The following ACER3 variants were observed in gnomAD, a reference collection of about 807,000 sequenced individuals.
ACER3 encodes alkaline ceramidase 3, also known as alkCDase 3.
In ACER3, 16 loss-of-function variants were observed where a neutral mutation model predicts 48.9. The observed-to-expected ratio is 0.33, with a 90% confidence interval of 0.22 to 0.50. The LOEUF (loss-of-function observed/expected upper bound fraction) is 0.50. ACER3 is among the 20% of genes least tolerant of loss of function. The probability of loss-of-function intolerance (pLI) is 0.98; values close to 1 mark genes in which losing one functional copy is unlikely to be tolerated. For missense variants in ACER3, 227 were observed against 326.0 expected, an observed-to-expected ratio of 0.70 and a Z score of 2.34; for synonymous variants, 109 against 107.8, an observed-to-expected ratio of 1.01 and a Z score of -0.07.
rs141262877 is a variant in ACER3 at position 77,006,150 on chromosome 11, G to A, written c.497+7329G>A. ...GATTACAGGCGCTGCCTCCATGCCT[G>A]GCTAATTTTCATATTTTTAGTAGAG... is the stretch of plus-strand genomic sequence containing the variant. On this transcript the variant is annotated intron_variant, in intron 7 of 10. Transcript: ENST00000532485. Among the ~76,000 whole-genome samples the A allele has an allele frequency of 2.7e-3, 402 of 150,666 alleles. 2 individuals are homozygous for A. Among genetic ancestry groups the A allele is most frequent in the African/African-American group, 9.3e-3 (382 of 41,098 alleles).
chr11:76,896,072 G>C (rs547445528), intron 1 of ACER3, among the ~76,000 whole-genome samples: 1 of 152,026 alleles, frequency 6.6e-6, no homozygotes, highest in African/African-American at 2.4e-5. Context: ...CAATAAAAAG[G>C]TTCCCATATC....
At chr11:76,959,117 A>G (rs1473173228) in intron 3 of ACER3, 86 bp downstream of exon 3, 12 of 1,600,336 alleles carry the variant, frequency 7.5e-6, no homozygotes, top group Non-Finnish European at 3.4e-6. Context: ...AACTATGGCT[A>G]AAAGATGGGA....
chr11:77,020,178 T>G lies in ACER3; in HGVS notation c.751-96T>G, dbSNP rs1356340210. 8 of 1,303,872 alleles carry G rather than the reference T, an allele frequency of 6.1e-6. No homozygotes were observed. In the African/African-American group the frequency reaches 1.2e-4, roughly 19 times the overall value. 80.8% of individuals were successfully genotyped at this position (1,303,872 alleles called of 1,614,324 possible). On this transcript the variant is annotated intron_variant, in intron 10 of 10. Coordinates refer to ENST00000532485, the MANE Select transcript of ACER3 (RefSeq NM_018367.7). ...GGACAATCACTAGCAAACCTACGTA[T>G]AGTCATAGCCCCATGGATTCTTTCT...
intron 7 of ACER3, among the ~76,000 whole-genome samples, chr11:77,002,085 C>T (rs1261850334): frequency 7.2e-5 from 11 of 152,146 alleles, no homozygotes; most frequent in Non-Finnish European, 1.6e-4. Context: ...TGATAAAGGA[C>T]ACCAGTTATA....
At chr11:76,880,013 G>A (rs900769360) in intron 1 of ACER3, among the ~76,000 whole-genome samples, 2 of 152,010 alleles carry the variant, frequency 1.3e-5, no homozygotes, top group African/African-American at 2.4e-5. Context: ...TTTAATGTCT[G>A]TGGAATCTGG....
intron 6 of ACER3, among the ~76,000 whole-genome samples, chr11:76,996,537 G>A (rs1015346275): frequency 2.6e-4 from 40 of 151,860 alleles, no homozygotes; most frequent in African/African-American, 9.4e-4. Context: ...TCCTGCCTCA[G>A]CCTCTAAGTA....
intron 5 of ACER3, 142 bp from the exon 6 acceptor site, chr11:76,990,397 G>C: frequency 1.4e-6 from 1 of 707,914 alleles, no homozygotes. Flanking sequence ...CACTTGATCT[G>C]ATTGCTTTTA....
At chr11:76,929,186 A>G (rs1946922783) in intron 2 of ACER3, among the ~76,000 whole-genome samples, 2 of 152,052 alleles carry the variant, frequency 1.3e-5, no homozygotes, top group African/African-American at 4.8e-5. Context: ...CATCCCTTGT[A>G]AGTTGGATTC....
chr11:76,909,902 A>T (rs1261793204), intron 1 of ACER3, among the ~76,000 whole-genome samples: 1 of 152,240 alleles, frequency 6.6e-6, no homozygotes, highest in Non-Finnish European at 1.5e-5. Flanking sequence ...TGGATAAAGA[A>T]AATGTGACAT....
chr11:76,868,328 G>A lies in ACER3; in HGVS notation c.103+7249G>A. On this transcript the variant is annotated intron_variant, in intron 1 of 10. Coordinates refer to ENST00000532485, the MANE Select transcript of ACER3 (RefSeq NM_018367.7). ...TTCATAAGTCAACTGAAGAATGAAG[G>A]CCAAATGAAAGGACAAATTGAGTGT... 2.4e-6 allele frequency: 3 copies of A among 1,242,546 alleles called. No homozygotes were observed. In the South Asian group the frequency reaches 4.1e-5, roughly 17 times the overall value. The allele number at this position is 1,242,546 out of a possible 1,614,324, so 77.0% of individuals were successfully genotyped here.
In ACER3 at chr11:76,875,676, GT is replaced by G. The variant is rs551772146; in HGVS notation, c.103+14607del. Among the ~76,000 whole-genome samples the G allele has an allele frequency of 7.0e-3, 604 of 86,256 alleles. 1 individual carries two copies. The highest frequency in any genetic ancestry group is 0.017 in the African/African-American group (399 of 23,678). 56.6% of individuals were successfully genotyped at this position (86,256 alleles called of 152,430 possible). On this transcript the variant is annotated intron_variant, in intron 1 of 10. Transcript: ENST00000532485. ...GCATATCATTAAAGTTTAATTCCTT[GT>G]TTTTTTTTTCTTTTGATGTAAAATT...
chr11:76,971,197 T>A (rs970853887), intron 3 of ACER3, among the ~76,000 whole-genome samples: 1 of 152,158 alleles, frequency 6.6e-6, no homozygotes, highest in Non-Finnish European at 1.5e-5. Flanking sequence ...CATGTTGTGT[T>A]GTAGGGAAGT....
At chr11:76,976,557 A>G (rs1948448500) in intron 4 of ACER3, among the ~76,000 whole-genome samples, 1 of 152,200 alleles carries the variant, frequency 6.6e-6, no homozygotes, top group Non-Finnish European at 1.5e-5. Flanking sequence ...GCCAATTTAG[A>G]TAGGATCTAA....
At chr11:76,895,821 A>G (rs1463943760) in intron 1 of ACER3, among the ~76,000 whole-genome samples, 1 of 152,210 alleles carries the variant, frequency 6.6e-6, no homozygotes, top group East Asian at 1.9e-4. Context: ...GACAGTAAAA[A>G]TTGGAAATAA....
intron 1 of ACER3, among the ~76,000 whole-genome samples, chr11:76,862,484 A>G (rs971887083): frequency 6.6e-6 from 1 of 152,198 alleles, no homozygotes. Flanking sequence ...GAAGCGCTTT[A>G]CCAGTTTGTT....
chr11:76,901,456 T>C (rs764056495), intron 1 of ACER3, among the ~76,000 whole-genome samples: 16 of 152,086 alleles, frequency 1.1e-4, no homozygotes, highest in East Asian at 3.9e-4. Context: ...AGCAGCTTTA[T>C]AGATAAGGGC....
At chr11:76,973,379 G>A (rs1948358913) in intron 3 of ACER3, among the ~76,000 whole-genome samples, 1 of 152,216 alleles carries the variant, frequency 6.6e-6, no homozygotes, top group Non-Finnish European at 1.5e-5. Context: ...GACTGCTGCA[G>A]TAGCCTGGTG....
At chr11:77,016,348 T>C (rs1949369477) in intron 8 of ACER3, among the ~76,000 whole-genome samples, 1 of 152,052 alleles carries the variant, frequency 6.6e-6, no homozygotes, top group Non-Finnish European at 1.5e-5. Context: ...GAAAATGTGG[T>C]TATGTTTTAG....
chr11:76,904,262 G>A (rs554582432), intron 1 of ACER3, among the ~76,000 whole-genome samples: 1 of 152,180 alleles, frequency 6.6e-6, no homozygotes, highest in East Asian at 1.9e-4. Context: ...CCCACAAAGT[G>A]CTGGGATTAC....
Sources: allele counts gnomAD v4.1 joint callset (sites outside exome capture counted in the v4.1 genomes callset), GRCh38; gene constraint gnomAD v4.1.1; transcripts MANE v1.5; gene names NCBI Gene and HGNC (gene_info 2026-07-23, HGNC 2026-07-21).